CCDC149: variants seen among roughly 807,000 people sequenced by gnomAD.
CCDC149 encodes the protein coiled-coil domain-containing protein 149.
Under a neutral mutation model 59.9 loss-of-function variants are expected in CCDC149, and 45 were observed. The observed-to-expected ratio is 0.75, with a 90% confidence interval of 0.59 to 0.96. The LOEUF is 0.96. Among genes scored for constraint, CCDC149 ranks in the 40% least tolerant of loss-of-function variants. The pLI is 0.00. For missense variants in CCDC149, 584 were observed against 664.7 expected (o/e 0.88, Z 1.33); for synonymous variants, 245 against 260.6 (o/e 0.94, Z 0.58).
chr4:24,846,168 T>C (rs753844599), intron 4 of CCDC149, among the ~76,000 whole-genome samples: 3 of 152,312 alleles, frequency 2.0e-5, no homozygotes, highest in African/African-American at 4.8e-5. Flanking sequence ...AATTCACTTA[T>C]GAATAAAACA....
chr4:24,862,710 C>G (rs1326562854), intron 3 of CCDC149, among the ~76,000 whole-genome samples: 1 of 152,050 alleles, frequency 6.6e-6, no homozygotes, highest in Non-Finnish European at 1.5e-5. Flanking sequence ...CCAAAATAAC[C>G]CTTATCTTTC....
At chr4:24,839,616 G>T (rs2109148313) in intron 4 of CCDC149, among the ~76,000 whole-genome samples, 1 of 152,272 alleles carries the variant, frequency 6.6e-6, no homozygotes, top group South Asian at 2.1e-4. Flanking sequence ...AGAACCCATA[G>T]CTTTCCTGGA....
intron 8 of CCDC149, among the ~76,000 whole-genome samples, chr4:24,832,391 G>A (rs1483989197): frequency 6.6e-6 from 1 of 152,200 alleles, no homozygotes; most frequent in African/African-American, 2.4e-5. Flanking sequence ...TTGGGAAAGA[G>A]TACATTATGC....
In CCDC149 at chr4:24,878,685, C is replaced by G. The variant is rs373468051; in HGVS notation, c.64-1988G>C. 3.3e-5 allele frequency among the ~76,000 whole-genome samples: 5 copies of G among 152,314 alleles called. No individual in the cohort carries two copies. The East Asian group carries it at 5.8e-4, about 18-fold the overall frequency. On this transcript the variant is annotated intron_variant, in intron 1 of 12. Transcript: ENST00000635206. ...TCCCTTCAATTTATCAGATTCAAAC[C>G]TGAGGCCCCAAAGACACTCGTGCCT...
Position 24,839,061 on chromosome 4 carries a change from CAGAGAGAGAGAGAG to C in CCDC149, c.373-803_373-790del, listed in dbSNP as rs72068303. ...ACACACACACACACACACACACACA[CAGAGAGAGAGAGAG>C]AAAGAGAGAGAGAGAAAGAGAGAAA... On this transcript the variant is annotated intron_variant, in intron 4 of 12. Coordinates refer to ENST00000635206, the MANE Select transcript of CCDC149 (RefSeq NM_001330643.2). 7.8e-5 allele frequency among the ~76,000 whole-genome samples: 9 copies of C among 115,362 alleles called. No homozygotes were observed. The South Asian group carries it at 1.9e-3, about 25-fold the overall frequency. The allele number at this position is 115,362 out of a possible 152,430, so 75.7% of individuals were successfully genotyped here.
chr4:24,931,460 G>A (rs1722585514), intron 1 of CCDC149, among the ~76,000 whole-genome samples: 1 of 151,572 alleles, frequency 6.6e-6, no homozygotes, highest in African/African-American at 2.4e-5. Context: ...TGGGTGGGGG[G>A]ATGTGTCTCT....
chr4:24,917,418 G>A (rs552694847), upstream of CCDC149, among the ~76,000 whole-genome samples: 9 of 152,338 alleles, frequency 5.9e-5, no homozygotes, highest in South Asian at 1.9e-3. Flanking sequence ...TCATCCTAAG[G>A]GGGCACAGGC....
intron 1 of CCDC149, among the ~76,000 whole-genome samples, chr4:24,961,749 C>T (rs1396082139): frequency 6.6e-6 from 1 of 152,168 alleles, no homozygotes; most frequent in Non-Finnish European, 1.5e-5. Context: ...GGAAAACTGG[C>T]TAGCCATATG....
At chr4:24,919,939 T>C (rs1722237074) in intron 1 of CCDC149, among the ~76,000 whole-genome samples, 1 of 152,184 alleles carries the variant, frequency 6.6e-6, no homozygotes, top group African/African-American at 2.4e-5. Flanking sequence ...CTGGACCCCT[T>C]GCTATACAAG....
intron 1 of CCDC149, among the ~76,000 whole-genome samples, chr4:24,963,274 G>C (rs1327958972): frequency 1.3e-5 from 2 of 149,452 alleles, no homozygotes; most frequent in African/African-American, 5.0e-5. Context: ...CAGTAAGACT[G>C]AACAGAGAGT....
chr4:24,966,285 T>C (rs1723794864), intron 1 of CCDC149, among the ~76,000 whole-genome samples: 1 of 152,056 alleles, frequency 6.6e-6, no homozygotes, highest in Non-Finnish European at 1.5e-5. Flanking sequence ...TTGGTGCAAG[T>C]CATCCAGGAA....
At chr4:24,850,994 C>T (rs1479251524) in intron 4 of CCDC149, among the ~76,000 whole-genome samples, 1 of 151,730 alleles carries the variant, frequency 6.6e-6, no homozygotes, top group African/African-American at 2.4e-5. Context: ...AGGCCAGATA[C>T]TGAAATGGGG....
chr4:24,857,775 G>T (rs1302311596), intron 3 of CCDC149, among the ~76,000 whole-genome samples: 2 of 152,182 alleles, frequency 1.3e-5, no homozygotes, highest in Non-Finnish European at 2.9e-5. Flanking sequence ...AATCCTCCAA[G>T]TGAGTTCACT....
At chr4:24,889,436 G>A (rs1463727619) in intron 1 of CCDC149, among the ~76,000 whole-genome samples, 4 of 152,190 alleles carry the variant, frequency 2.6e-5, no homozygotes, top group East Asian at 1.9e-4. Flanking sequence ...GTCTCAGGCC[G>A]AGATGCTGCC....
In CCDC149 at chr4:24,869,424, G is replaced by A. The variant is rs1475505557; in HGVS notation, c.264+4257C>T. ...GCCCAGCTGCACTTCTGTCTCCCACGAGGGCTGCTCAACCAACTCTTCCCA... is the reference window on the plus strand; with the variant it reads ...GCCCAGCTGCACTTCTGTCTCCCACAAGGGCTGCTCAACCAACTCTTCCCA... On this transcript the variant is annotated intron_variant, in intron 3 of 12. Coordinates refer to ENST00000635206, the MANE Select transcript of CCDC149 (RefSeq NM_001330643.2). Among the ~76,000 whole-genome samples the A allele has an allele frequency of 3.3e-5, 5 of 152,126 alleles. No homozygotes were observed. In the South Asian group the frequency reaches 8.3e-4, roughly 25 times the overall value.
intron 9 of CCDC149, among the ~76,000 whole-genome samples, chr4:24,824,565 G>GTAAAAA (rs1176971674): frequency 5.3e-5 from 8 of 152,154 alleles, no homozygotes; most frequent in African/African-American, 1.9e-4. Context: ...TTTACATGTG[G>GTAAAAA]ACTGTAAGAA....
intron 1 of CCDC149, among the ~76,000 whole-genome samples, chr4:24,891,109 G>A (rs1375023757): frequency 6.6e-6 from 1 of 152,164 alleles, no homozygotes; most frequent in Non-Finnish European, 1.5e-5. Context: ...CTTCATCTTT[G>A]TCGATTTTAT....
intron 1 of CCDC149, among the ~76,000 whole-genome samples, chr4:24,908,984 G>C (rs961477754): frequency 1.3e-5 from 2 of 152,176 alleles, no homozygotes; most frequent in Non-Finnish European, 2.9e-5. Flanking sequence ...CTCACCTCAG[G>C]TGGCGATAAG....
intron 1 of CCDC149, among the ~76,000 whole-genome samples, chr4:24,945,387 A>G (rs1376077185): frequency 6.6e-6 from 1 of 152,182 alleles, no homozygotes; most frequent in Non-Finnish European, 1.5e-5. Context: ...GGTGCCATGT[A>G]TGTGGTAACA....
Sources: gnomAD v4.1 joint callset for allele counts (sites outside exome capture counted in the v4.1 genomes callset) on GRCh38, gnomAD v4.1.1 for gene constraint, MANE v1.5 for transcripts, NCBI Gene and HGNC (gene_info 2026-07-23, HGNC 2026-07-21) for gene names.